The following RAE1 variants were observed in gnomAD, a reference collection of about 807,000 sequenced individuals.
The protein encoded by RAE1 is ribonucleic acid export 1.
RAE1 carries 13 observed loss-of-function variants against 52.7 expected under a neutral mutation model. That is an observed-to-expected ratio of 0.25 (90% CI 0.16 to 0.39). The LOEUF is 0.39. RAE1 is among the 10% of genes least tolerant of loss of function. The probability of loss-of-function intolerance (pLI) is 1.00; values close to 1 mark genes in which losing one functional copy is unlikely to be tolerated. For missense variants in RAE1, 262 were observed against 459.8 expected (o/e 0.57, Z 3.93); for synonymous variants, 164 against 153.1 (o/e 1.07, Z -0.52).
At position 57,360,536 on chromosome 20, in the gene RAE1, G is replaced by A. The variant is rs8184197; in HGVS notation, c.288+3998G>A. ...GTTGCTTGTAGTACTCTGGCGAATG[G>A]TTTTGTTAATGTAACTGTTAGGGTT... On this transcript the variant is annotated intron_variant, in intron 4 of 11. Transcript: ENST00000395841. 1.2e-4 allele frequency among the ~76,000 whole-genome samples: 18 copies of A among 152,296 alleles called. No individual in the cohort carries two copies. In the East Asian group the frequency reaches 3.3e-3, roughly 28 times the overall value.
In RAE1 at chr20:57,351,447, C is replaced by T. The variant is rs925764280; in HGVS notation, c.-8+25C>T. ...GGTAGGCCCCGTGCCGCGCGCGTCC[C>T]GTCGTTAACCGCCGCCATGGCTCCC... On this transcript the variant is annotated intron_variant, in intron 1 of 11. Transcript: ENST00000395841. 4 of 985,350 alleles carry T rather than the reference C, an allele frequency of 4.1e-6. No homozygotes were observed. In the East Asian group the frequency reaches 3.4e-4, roughly 84 times the overall value. The allele number at this position is 985,350 out of a possible 1,614,324, so 61.0% of individuals were successfully genotyped here.
chr20:57,376,715 G>A (rs568006461), intron 11 of RAE1, among the ~76,000 whole-genome samples: 1 of 152,192 alleles, frequency 6.6e-6, no homozygotes, highest in Non-Finnish European at 1.5e-5. Context: ...GGCGTGCGTG[G>A]AGCCCGAGGC....
At chr20:57,377,692 C>T (rs2067136097) in intron 11 of RAE1, among the ~76,000 whole-genome samples, 4 of 152,088 alleles carry the variant, frequency 2.6e-5, no homozygotes, top group African/African-American at 9.7e-5. Context: ...TAATTCTGAC[C>T]AAGGGACCCA....
chr20:57,368,881 G>A, intron 8 of RAE1, 69 bp downstream of exon 8: 1 of 1,275,980 alleles, frequency 7.8e-7, no homozygotes, highest in Non-Finnish European at 1.1e-6. Context: ...GCTCACATCT[G>A]GAATACAGTT....
chr20:57,377,477 GTA>G, intron 11 of RAE1, among the ~76,000 whole-genome samples: 1 of 152,312 alleles, frequency 6.6e-6, no homozygotes, highest in South Asian at 2.1e-4. Context: ...TTTCGATGCT[GTA>G]TAGCCCTGCA....
chr20:57,368,322 C>A (rs564091148), intron 7 of RAE1, among the ~76,000 whole-genome samples: 1 of 152,146 alleles, frequency 6.6e-6, no homozygotes, highest in African/African-American at 2.4e-5. Flanking sequence ...AAGTGTGTGA[C>A]GTGGACCTTA....
chr20:57,351,342 C>T lies in RAE1; in HGVS notation c.-88C>T, dbSNP rs2066705656. On this transcript the variant is annotated 5_prime_UTR_variant, in exon 1 of 12. Coordinates refer to ENST00000395841, the MANE Select transcript of RAE1 (RefSeq NM_003610.4). ...TTCTGTCCGCGCTCCTGGCCCTCGT[C>T]CTTCGCGCCAGAGCAGGTTCGCAAA... 1 of 985,324 alleles carries T rather than the reference C, an allele frequency of 1.0e-6. No individual in the cohort carries two copies. The highest frequency in any genetic ancestry group is 1.2e-6 in the Non-Finnish European group (1 of 829,946). 61.0% of individuals were successfully genotyped at this position (985,324 alleles called of 1,614,324 possible). A position where few individuals can be genotyped will look rare whatever the true frequency, so the allele number is the denominator to read the frequency against.
chr20:57,360,789 A>G (rs2066880388), intron 4 of RAE1, among the ~76,000 whole-genome samples: 1 of 152,144 alleles, frequency 6.6e-6, no homozygotes, highest in Admixed American at 6.5e-5. Flanking sequence ...GCTTAGTTAA[A>G]CTTCTGTTTA....
At chr20:57,366,617 T>G (rs1183518736) in intron 5 of RAE1, among the ~76,000 whole-genome samples, 190 bp from the exon 6 acceptor site, 4 of 152,010 alleles carry the variant, frequency 2.6e-5, no homozygotes, top group Non-Finnish European at 5.9e-5. Context: ...CATCTCAACA[T>G]GGGATTTGGT....
intron 3 of RAE1, among the ~76,000 whole-genome samples, 168 bp downstream of exon 3, chr20:57,354,984 C>A (rs2066763950): frequency 6.6e-6 from 1 of 152,190 alleles, no homozygotes; most frequent in African/African-American, 2.4e-5. Flanking sequence ...AGACATTATT[C>A]TTACACCCGT....
At chr20:57,352,036 G>A in intron 1 of RAE1, 1 of 935,876 alleles carries the variant, frequency 1.1e-6, no homozygotes, top group Admixed American at 6.2e-5. Flanking sequence ...ATTCTGGGGG[G>A]GAAGAGATTT....
chr20:57,356,424 T>C (rs374875891), intron 3 of RAE1, 22 bp from the exon 4 acceptor site: 5 of 1,591,210 alleles, frequency 3.1e-6, no homozygotes, highest in Non-Finnish European at 4.3e-6. Flanking sequence ...TTTGTTTGCA[T>C]TGAATTTTTT....
intron 1 of RAE1, among the ~76,000 whole-genome samples, chr20:57,353,435 G>A (rs890488248): frequency 1.9e-4 from 29 of 152,336 alleles, no homozygotes; most frequent in African/African-American, 6.7e-4. Flanking sequence ...AAAACCCAGG[G>A]TGGGAGAGGT....
chr20:57,373,399 A>G, intron 8 of RAE1, 76 bp from the exon 9 acceptor site: 1 of 1,427,492 alleles, frequency 7.0e-7, no homozygotes, highest in Non-Finnish European at 9.7e-7. Flanking sequence ...CATGGGGTAA[A>G]AATGACTTAC....
intron 7 of RAE1, among the ~76,000 whole-genome samples, chr20:57,367,387 C>G (rs1308013054): frequency 6.6e-6 from 1 of 152,118 alleles, no homozygotes; most frequent in Non-Finnish European, 1.5e-5. Flanking sequence ...AGTAGGAAAA[C>G]TTGCAGTAAG....
chr20:57,369,721 C>T (rs764369106), intron 8 of RAE1, among the ~76,000 whole-genome samples: 19 of 152,234 alleles, frequency 1.2e-4, no homozygotes, highest in Non-Finnish European at 2.5e-4. Context: ...TTAGCTCAAT[C>T]CTCCACTTGC....
intron 11 of RAE1, among the ~76,000 whole-genome samples, chr20:57,375,434 T>TGG (rs1600730018): frequency 6.6e-6 from 1 of 152,132 alleles, no homozygotes; most frequent in Non-Finnish European, 1.5e-5. Context: ...TGGCTTCCGA[T>TGG]GGGGAGGTCA....
chr20:57,359,147 G>A, intron 4 of RAE1: 1 of 669,332 alleles, frequency 1.5e-6, no homozygotes, highest in Non-Finnish European at 2.2e-6. Flanking sequence ...TCTAATACTG[G>A]TAATGCTAGA....
chr20:57,359,186 A>G (rs2066851419), intron 4 of RAE1: 1 of 459,844 alleles, frequency 2.2e-6, no homozygotes, highest in Non-Finnish European at 3.6e-6. Context: ...CAGGCGGGGT[A>G]AGATTTGCTG....
Sources: allele counts gnomAD v4.1 joint callset (sites outside exome capture counted in the v4.1 genomes callset), GRCh38; gene constraint gnomAD v4.1.1; transcripts MANE v1.5; gene names NCBI Gene and HGNC (gene_info 2026-07-23, HGNC 2026-07-21).